LGSN: variants seen among roughly 807,000 people sequenced by gnomAD.
LGSN encodes the protein lengsin.
A neutral mutation model predicts 19.5 loss-of-function variants in LGSN; 21 were observed. The observed-to-expected ratio is 1.07, with a 90% CI of 0.76 to 1.55. The LOEUF is 1.55. LGSN is among the 40% of genes most tolerant of loss of function. LGSN has a pLI of 0.00. For synonymous variants in LGSN, 257 were observed against 215.6 expected (o/e 1.19, Z -1.68); for missense variants, 673 against 608.5 (o/e 1.11, Z -1.12).
the LGSN span, among the ~76,000 whole-genome samples, chr6:63,469,254 A>G: frequency 6.6e-6 from 1 of 152,166 alleles, no homozygotes; most frequent in South Asian, 2.1e-4. Context: ...TCAATCTACT[A>G]TCTTCAGAAG....
At chr6:63,472,903 T>G in the LGSN span, among the ~76,000 whole-genome samples, 5 of 152,058 alleles carry the variant, frequency 3.3e-5, no homozygotes, top group Admixed American at 3.3e-4. Flanking sequence ...ATCATGCCAC[T>G]GCACTCCAGC....
the LGSN span, among the ~76,000 whole-genome samples, chr6:63,407,183 G>T: frequency 7.9e-5 from 12 of 151,928 alleles, no homozygotes; most frequent in African/African-American, 2.9e-4. Context: ...ATTTTATAAG[G>T]CCAGCATCAT....
chr6:63,280,359 G>C lies in LGSN; in HGVS notation c.1192C>G (p.His398Asp). 7 of 1,614,150 alleles carry C rather than the reference G, an allele frequency of 4.3e-6. No homozygotes were observed. The highest frequency in any genetic ancestry group is 5.9e-6 in the Non-Finnish European group (7 of 1,180,028). Residue 398 changes from histidine (H) to aspartate (D), a missense_variant, in exon 4 of 4, where the codon CAT becomes GAT. Transcript: ENST00000370657. ...DNSCIFNIKC[H>D]GEKGTRIENK... ...TCTATCCGGGTGCCTTTCTCTCCAT[G>C]ACATTTGATATTAAATATACAGCTG...
At chr6:63,454,567 G>T in the LGSN span, among the ~76,000 whole-genome samples, 5 of 149,886 alleles carry the variant, frequency 3.3e-5, no homozygotes, top group Non-Finnish European at 7.4e-5. Context: ...CCGCCTCCCG[G>T]GTTCAAGCAG....
At chr6:63,442,506 T>C in the LGSN span, among the ~76,000 whole-genome samples, 1 of 151,946 alleles carries the variant, frequency 6.6e-6, no homozygotes, top group Non-Finnish European at 1.5e-5. Context: ...CTGATTGGTA[T>C]ACTTACAATC....
At chr6:63,517,736 T>C in the LGSN span, among the ~76,000 whole-genome samples, 1 of 152,126 alleles carries the variant, frequency 6.6e-6, no homozygotes, top group Non-Finnish European at 1.5e-5. Flanking sequence ...CAGACACTGA[T>C]GGAGAATTAA....
At chr6:63,400,448 C>T in the LGSN span, among the ~76,000 whole-genome samples, 1 of 152,178 alleles carries the variant, frequency 6.6e-6, no homozygotes, top group Non-Finnish European at 1.5e-5. Context: ...ATGAGCAGGC[C>T]ATCTCGCTAG....
the LGSN span, among the ~76,000 whole-genome samples, chr6:63,336,258 C>T: frequency 6.6e-6 from 1 of 151,870 alleles, no homozygotes; most frequent in Non-Finnish European, 1.5e-5. Context: ...ACTAAACGCA[C>T]AGAAATTATA....
chr6:63,400,343 C>T, the LGSN span, among the ~76,000 whole-genome samples: 3 of 152,152 alleles, frequency 2.0e-5, no homozygotes, highest in African/African-American at 4.8e-5. Context: ...AAGCTGTAAA[C>T]TTCTTCAGGA....
the LGSN span, among the ~76,000 whole-genome samples, chr6:63,496,618 CTT>C: frequency 1.8e-4 from 25 of 139,060 alleles, no homozygotes; most frequent in Non-Finnish European, 1.7e-4. Flanking sequence ...GTATTTGCTC[CTT>C]TTTTTTTTTT....
At chr6:63,507,028 C>A in the LGSN span, among the ~76,000 whole-genome samples, 6 of 152,238 alleles carry the variant, frequency 3.9e-5, no homozygotes, top group South Asian at 6.2e-4. Context: ...CCCGACAAAC[C>A]AGCCAAGACA....
the LGSN span, among the ~76,000 whole-genome samples, chr6:63,491,031 A>T: frequency 2.6e-5 from 4 of 151,596 alleles, no homozygotes; most frequent in East Asian, 7.7e-4. Flanking sequence ...GTGAAGGTGG[A>T]TCTTCTTTAC....
chr6:63,293,577 T>A, intron 2 of LGSN: 1 of 337,756 alleles, frequency 3.0e-6, no homozygotes, highest in Non-Finnish European at 5.9e-6. Flanking sequence ...TCAACCAACA[T>A]TACATTCTCT....
the LGSN span, among the ~76,000 whole-genome samples, chr6:63,352,738 GA>G: frequency 6.6e-6 from 1 of 151,994 alleles, no homozygotes; most frequent in South Asian, 2.1e-4. Flanking sequence ...TTATGTTAGA[GA>G]CTGTTCATCT....
chr6:63,294,077 G>A (rs978622140), intron 2 of LGSN, among the ~76,000 whole-genome samples: 28 of 152,312 alleles, frequency 1.8e-4, no homozygotes, highest in African/African-American at 6.5e-4. Context: ...TCTGTAGCCT[G>A]TAATCCCAGC....
chr6:63,452,609 G>A, the LGSN span, among the ~76,000 whole-genome samples: 54 of 151,842 alleles, frequency 3.6e-4, no homozygotes, highest in African/African-American at 1.3e-3. Flanking sequence ...TGTAGGAAAT[G>A]TAATGATGTC....
chr6:63,353,906 T>C, the LGSN span, among the ~76,000 whole-genome samples: 1 of 152,166 alleles, frequency 6.6e-6, no homozygotes, highest in African/African-American at 2.4e-5. Flanking sequence ...AGGGACACCG[T>C]CTTCAATAAA....
At chr6:63,373,581 A>G in the LGSN span, among the ~76,000 whole-genome samples, 2 of 152,162 alleles carry the variant, frequency 1.3e-5, no homozygotes, top group Admixed American at 6.6e-5. Flanking sequence ...AAAGAGAAGG[A>G]AAGATTGAAG....
chr6:63,497,198 A>G, the LGSN span, among the ~76,000 whole-genome samples: 386 of 152,004 alleles, frequency 2.5e-3, 5 homozygotes, highest in African/African-American at 8.8e-3. Context: ...AATGGTCTCA[A>G]ACTCCTGGCC....
Sources: gnomAD v4.1 joint callset for allele counts (sites outside exome capture counted in the v4.1 genomes callset) on GRCh38, gnomAD v4.1.1 for gene constraint, MANE v1.5 for transcripts, NCBI Gene and HGNC (gene_info 2026-07-23, HGNC 2026-07-21) for gene names.